The following AUTS2 variants were observed in gnomAD, a reference collection of about 807,000 sequenced individuals.
The protein encoded by AUTS2 is activator of transcription and developmental regulator AUTS2.
In AUTS2, 17 loss-of-function variants were observed where a neutral mutation model predicts 112.4. That is an observed-to-expected ratio of 0.15 (90% CI 0.10 to 0.23). The LOEUF (loss-of-function observed/expected upper bound fraction) is 0.23, where lower values mean the gene tolerates loss of function less well. AUTS2 is among the 10% of genes least tolerant of loss of function. The probability of loss-of-function intolerance (pLI) is 1.00; values close to 1 mark genes in which losing one functional copy is unlikely to be tolerated. For synonymous variants in AUTS2, 751 were observed against 702.7 expected (o/e 1.07, Z -1.09); for missense variants, 1,510 against 1,701.6 (o/e 0.89, Z 1.98).
At chr7:70,023,668 A>G (rs923420838) in intron 2 of AUTS2, among the ~76,000 whole-genome samples, 2 of 152,210 alleles carry the variant, frequency 1.3e-5, no homozygotes, top group African/African-American at 2.4e-5. Context: ...AGCAACATTC[A>G]TTAAACTAAA....
At chr7:70,736,026 C>G (rs1385162581) in intron 6 of AUTS2, among the ~76,000 whole-genome samples, 2 of 113,706 alleles carry the variant, frequency 1.8e-5, no homozygotes, top group Admixed American at 9.3e-5. Flanking sequence ...AATAGTATAT[C>G]TATTTTATTA....
chr7:70,388,528 A>G (rs1056284312), intron 4 of AUTS2, among the ~76,000 whole-genome samples: 1 of 152,226 alleles, frequency 6.6e-6, no homozygotes, highest in Non-Finnish European at 1.5e-5. Context: ...ATTTTCAGTC[A>G]ATCTAGGTAC....
intron 4 of AUTS2, among the ~76,000 whole-genome samples, chr7:70,435,475 T>G (rs1365695785): frequency 6.6e-6 from 1 of 152,210 alleles, no homozygotes; most frequent in Non-Finnish European, 1.5e-5. Flanking sequence ...CTTGTGTGAT[T>G]GAGCACCTTG....
chr7:70,078,417 A>G (rs1477495318), intron 2 of AUTS2, among the ~76,000 whole-genome samples: 2 of 152,160 alleles, frequency 1.3e-5, no homozygotes, highest in East Asian at 1.9e-4. Context: ...GGAGTTTTCC[A>G]TGTAATATTT....
chr7:70,162,969 G>A (rs923461109), intron 4 of AUTS2, among the ~76,000 whole-genome samples: 1 of 152,094 alleles, frequency 6.6e-6, no homozygotes, highest in Non-Finnish European at 1.5e-5. Flanking sequence ...TGTTTATTTG[G>A]TTTGTAATTA....
chr7:70,540,293 C>T (rs1800498745), intron 5 of AUTS2, among the ~76,000 whole-genome samples: 1 of 152,196 alleles, frequency 6.6e-6, no homozygotes, highest in Non-Finnish European at 1.5e-5. Context: ...CTACCATCCT[C>T]TCTCTTTGGG....
At chr7:70,355,562 T>C (rs1232632060) in intron 4 of AUTS2, among the ~76,000 whole-genome samples, 1 of 152,136 alleles carries the variant, frequency 6.6e-6, no homozygotes, top group Non-Finnish European at 1.5e-5. Context: ...CTCTCTCTCC[T>C]GGACGCCCAT....
chr7:70,230,371 C>T (rs564273131), intron 4 of AUTS2, among the ~76,000 whole-genome samples: 83 of 152,200 alleles, frequency 5.5e-4, no homozygotes, highest in African/African-American at 1.9e-3. Context: ...AGTTTGCCAC[C>T]ACCCTTACCA....
chr7:70,101,347 G>A (rs913203706), intron 2 of AUTS2, among the ~76,000 whole-genome samples: 13 of 151,562 alleles, frequency 8.6e-5, no homozygotes, highest in African/African-American at 2.7e-4. Flanking sequence ...AATGCTATCT[G>A]GCTTATGAAT....
chr7:70,110,133 T>A (rs553538598), intron 2 of AUTS2, among the ~76,000 whole-genome samples: 2 of 152,362 alleles, frequency 1.3e-5, no homozygotes, highest in Non-Finnish European at 2.9e-5. Context: ...GATGTCAAAG[T>A]CGGTCAGTTC....
intron 4 of AUTS2, among the ~76,000 whole-genome samples, chr7:70,417,609 G>A (rs1795041129): frequency 6.6e-6 from 1 of 152,160 alleles, no homozygotes; most frequent in Admixed American, 6.5e-5. Context: ...AGTGGAGTGT[G>A]GTTCAGAAGC....
intron 1 of AUTS2, among the ~76,000 whole-genome samples, chr7:69,736,079 T>C (rs1048930500): frequency 3.3e-5 from 5 of 152,198 alleles, no homozygotes; most frequent in Non-Finnish European, 7.3e-5. Flanking sequence ...TGAATATTTG[T>C]TGAATACATG....
intron 5 of AUTS2, among the ~76,000 whole-genome samples, chr7:70,546,696 A>G (rs1286830371): frequency 2.0e-5 from 3 of 146,790 alleles, no homozygotes. Flanking sequence ...GGAGAATGGC[A>G]TGAACCCGGG....
intron 5 of AUTS2, among the ~76,000 whole-genome samples, chr7:70,603,920 A>G (rs988935134): frequency 1.9e-5 from 2 of 107,396 alleles, no homozygotes; most frequent in Non-Finnish European, 4.2e-5. Flanking sequence ...ATTTTCTGCC[A>G]CTCAAAAAAT....
intron 5 of AUTS2, among the ~76,000 whole-genome samples, chr7:70,568,359 G>C (rs975234121): frequency 6.6e-6 from 1 of 152,158 alleles, no homozygotes; most frequent in African/African-American, 2.4e-5. Flanking sequence ...GATAACGGGA[G>C]TACCTAGCTC....
At chr7:70,141,820 G>A (rs1806879943) in intron 4 of AUTS2, among the ~76,000 whole-genome samples, 1 of 152,144 alleles carries the variant, frequency 6.6e-6, no homozygotes, top group African/African-American at 2.4e-5. Flanking sequence ...GACACACCTT[G>A]ACTAAATGAA....
At chr7:70,320,877 T>G (rs1238935147) in intron 4 of AUTS2, among the ~76,000 whole-genome samples, 1 of 152,138 alleles carries the variant, frequency 6.6e-6, no homozygotes, top group Non-Finnish European at 1.5e-5. Context: ...GTCAGTGCAG[T>G]TGGACCAGGC....
chr7:70,406,230 C>G (rs1794527736), intron 4 of AUTS2, among the ~76,000 whole-genome samples: 1 of 152,174 alleles, frequency 6.6e-6, no homozygotes, highest in Non-Finnish European at 1.5e-5. Context: ...CTGTCCCTCC[C>G]TCCTCTCAGA....
At chr7:70,358,114 A>G (rs1169716909) in intron 4 of AUTS2, among the ~76,000 whole-genome samples, 1 of 152,130 alleles carries the variant, frequency 6.6e-6, no homozygotes, top group East Asian at 1.9e-4. Flanking sequence ...ACATCTGTTG[A>G]TTTCTTTCTG....
Sources: gnomAD v4.1 joint callset for allele counts (sites outside exome capture counted in the v4.1 genomes callset) on GRCh38, gnomAD v4.1.1 for gene constraint, MANE v1.5 for transcripts, NCBI Gene and HGNC (gene_info 2026-07-23, HGNC 2026-07-21) for gene names.